GABRB1: variants seen among roughly 807,000 people sequenced by gnomAD.
GABRB1 encodes the protein gamma-aminobutyric acid receptor subunit beta-1.
In GABRB1, 17 loss-of-function variants were observed where a neutral mutation model predicts 51.6. The observed-to-expected ratio is 0.33, with a 90% CI of 0.23 to 0.49. The LOEUF is 0.49. Ranked by LOEUF, GABRB1 falls within the 20% of genes least tolerant of loss-of-function variation. The pLI, the probability that GABRB1 is intolerant of heterozygous loss-of-function variation, is 0.99. For missense variants in GABRB1, 410 were observed against 600.6 expected, an observed-to-expected ratio of 0.68 and a Z score of 3.32; for synonymous variants, 247 against 218.9, an observed-to-expected ratio of 1.13 and a Z score of -1.14.
chr4:47,271,458 A>C (rs1183279926), intron 4 of GABRB1, among the ~76,000 whole-genome samples: 5 of 152,146 alleles, frequency 3.3e-5, no homozygotes, highest in Admixed American at 2.0e-4. Flanking sequence ...TGGCATTCCT[A>C]CTTCTCCAGA....
At chr4:47,086,981 T>C (rs1365860895) in intron 3 of GABRB1, among the ~76,000 whole-genome samples, 3 of 152,218 alleles carry the variant, frequency 2.0e-5, no homozygotes, top group South Asian at 2.1e-4. Context: ...CTGTGTTCCA[T>C]GGTGAAGTGG....
chr4:47,041,202 G>T lies in GABRB1; in HGVS notation c.240+8718G>T, dbSNP rs570577391. Among the ~76,000 whole-genome samples the T allele has an allele frequency of 1.2e-4, 19 of 152,194 alleles. No homozygotes were observed. The East Asian group carries it at 3.5e-3, about 28-fold the overall frequency. On this transcript the variant is annotated intron_variant, in intron 3 of 8. Coordinates refer to ENST00000295454, the MANE Select transcript of GABRB1 (RefSeq NM_000812.4). Reference sequence around the variant, plus strand: ...TTGAGAAATGAAGCTTACCTGCCAGGAAATTAAAAAGTGACTCTCAGGACC... The same window carrying T: ...TTGAGAAATGAAGCTTACCTGCCAGTAAATTAAAAAGTGACTCTCAGGACC...
At chr4:47,325,573 C>T (rs1725230849) in intron 5 of GABRB1, among the ~76,000 whole-genome samples, 1 of 152,118 alleles carries the variant, frequency 6.6e-6, no homozygotes. Context: ...CATCATTTTC[C>T]TCTTGCTTAC....
chr4:47,283,088 A>G (rs1186653884), intron 4 of GABRB1, among the ~76,000 whole-genome samples: 1 of 152,192 alleles, frequency 6.6e-6, no homozygotes, highest in African/African-American at 2.4e-5. Context: ...ATTTGTTTAC[A>G]TGTCTGTCTG....
chr4:47,204,476 A>G (rs992404912), intron 4 of GABRB1, among the ~76,000 whole-genome samples: 3 of 151,862 alleles, frequency 2.0e-5, no homozygotes, highest in East Asian at 1.9e-4. Flanking sequence ...TCTTCTTCTC[A>G]CTCTGCTCCC....
At chr4:47,424,344 T>A (rs1232018499) in intron 8 of GABRB1, among the ~76,000 whole-genome samples, 1 of 152,186 alleles carries the variant, frequency 6.6e-6, no homozygotes, top group Non-Finnish European at 1.5e-5. Context: ...ATCTATAAAA[T>A]GGGGATGGGA....
intron 5 of GABRB1, among the ~76,000 whole-genome samples, chr4:47,337,808 TAAAAAA>T (rs1170540924): frequency 2.4e-5 from 2 of 84,484 alleles, no homozygotes; most frequent in Admixed American, 2.7e-4. Flanking sequence ...AGACTCTGTC[TAAAAAA>T]AAAAAAAAAA....
chr4:47,287,585 C>T (rs1723557913), intron 4 of GABRB1, among the ~76,000 whole-genome samples: 1 of 152,154 alleles, frequency 6.6e-6, no homozygotes, highest in Admixed American at 6.5e-5. Context: ...TAGACAGCAT[C>T]TAAAATGGAT....
intron 4 of GABRB1, among the ~76,000 whole-genome samples, chr4:47,165,504 A>G (rs1014639270): frequency 3.9e-5 from 6 of 152,110 alleles, no homozygotes; most frequent in Admixed American, 6.6e-5. Flanking sequence ...CTGGTTCTCA[A>G]TCTCTACTCT....
At chr4:47,050,850 A>T (rs1726318978) in intron 3 of GABRB1, among the ~76,000 whole-genome samples, 1 of 151,298 alleles carries the variant, frequency 6.6e-6, no homozygotes, top group South Asian at 2.1e-4. Flanking sequence ...CATTCCTTCC[A>T]CTCTCTTTTT....
intron 4 of GABRB1, among the ~76,000 whole-genome samples, chr4:47,203,124 T>C (rs953855072): frequency 2.0e-5 from 3 of 152,184 alleles, no homozygotes; most frequent in Non-Finnish European, 4.4e-5. Flanking sequence ...TCCTCTGTGG[T>C]TGATGTAACT....
chr4:47,004,832 T>C (rs1305560651), intron 1 of GABRB1, among the ~76,000 whole-genome samples: 1 of 152,234 alleles, frequency 6.6e-6, no homozygotes, highest in Non-Finnish European at 1.5e-5. Context: ...CCTTTAAAAA[T>C]TATACTTCTA....
chr4:47,269,691 C>A (rs1722778841), intron 4 of GABRB1, among the ~76,000 whole-genome samples: 1 of 151,790 alleles, frequency 6.6e-6, no homozygotes, highest in African/African-American at 2.4e-5. Flanking sequence ...CTTTGTCATG[C>A]CAAATATAGC....
chr4:47,119,087 A>G (rs1190456239), intron 3 of GABRB1, among the ~76,000 whole-genome samples: 1 of 152,192 alleles, frequency 6.6e-6, no homozygotes, highest in East Asian at 1.9e-4. Flanking sequence ...GAAGAGATAT[A>G]CATAGGAACA....
intron 4 of GABRB1, among the ~76,000 whole-genome samples, chr4:47,309,119 T>C (rs1266399089): frequency 6.6e-6 from 1 of 152,116 alleles, no homozygotes; most frequent in African/African-American, 2.4e-5. Flanking sequence ...CATAGACATA[T>C]GTGTATAATG....
At chr4:47,017,196 A>C (rs1444872189) in intron 1 of GABRB1, among the ~76,000 whole-genome samples, 1 of 152,176 alleles carries the variant, frequency 6.6e-6, no homozygotes, top group Non-Finnish European at 1.5e-5. Context: ...CGTTTATGAA[A>C]GTGTTGAGTC....
At chr4:47,135,320 A>G (rs1716595067) in intron 3 of GABRB1, among the ~76,000 whole-genome samples, 1 of 152,098 alleles carries the variant, frequency 6.6e-6, no homozygotes, top group Non-Finnish European at 1.5e-5. Flanking sequence ...GCAGTTTGAT[A>G]AGAGGATATA....
At chr4:47,150,182 AACACACACACACACAC>A (rs36209473) in intron 3 of GABRB1, among the ~76,000 whole-genome samples, 3 of 141,616 alleles carry the variant, frequency 2.1e-5, no homozygotes, top group South Asian at 2.3e-4. Context: ...ACACACACAC[AACACACACACACACAC>A]ACACACACAC....
At chr4:47,137,390 C>A (rs1476958886) in intron 3 of GABRB1, among the ~76,000 whole-genome samples, 1 of 152,000 alleles carries the variant, frequency 6.6e-6, no homozygotes, top group Non-Finnish European at 1.5e-5. Flanking sequence ...GAGGACAGAA[C>A]AGACAGGTGA....
Sources: allele counts gnomAD v4.1 joint callset (sites outside exome capture counted in the v4.1 genomes callset), GRCh38; gene constraint gnomAD v4.1.1; transcripts MANE v1.5; gene names NCBI Gene and HGNC (gene_info 2026-07-23, HGNC 2026-07-21).